APLP1: variants seen among roughly 807,000 people sequenced by gnomAD.
The protein encoded by APLP1 is amyloid beta precursor like protein 1, also known as amyloid beta (A4) precursor-like protein 1.
A neutral mutation model predicts 84.5 loss-of-function variants in APLP1; 46 were observed. The observed-to-expected ratio is 0.54, with a 90% confidence interval of 0.43 to 0.70. APLP1 has a LOEUF of 0.70. Among genes scored for constraint, APLP1 ranks in the 30% least tolerant of loss-of-function variants. The probability of loss-of-function intolerance (pLI) is 0.00; values close to 1 mark genes in which losing one functional copy is unlikely to be tolerated. For missense variants in APLP1, 826 were observed against 900.2 expected (o/e 0.92, Z 1.05); for synonymous variants, 376 against 364.0 (o/e 1.03, Z -0.38).
rs984660613 is a variant in APLP1 at position 35,874,859 on chromosome 19, T to C, written c.1334T>C (p.Met445Thr). The change falls in exon 10 of 17, where the codon ATG becomes ACG. Residue 445 changes from methionine (M) to threonine (T), a missense_variant. Around this residue, in one of 3 missense-constraint regions of APLP1, gnomAD observed 433 missense variants for 496.5 expected, o/e 0.87. Coordinates refer to ENST00000221891, the MANE Select transcript of APLP1 (RefSeq NM_001024807.3). The surrounding 1 kb of genome is among the most constrained non-coding windows in gnomAD (Gnocchi z 6.4). ...AAVDPEKAQQ[M>T]RFQVHTHLQV... ...GTGGATCCCGAGAAGGCACAGCAGA[T>C]GCGCTTCCAGGTGCTCACATCCTTC... The C allele has an allele frequency of 1.2e-6, 2 of 1,608,672 alleles. No individual in the cohort carries two copies. The highest frequency in any genetic ancestry group is 2.7e-5 in the African/African-American group (2 of 74,900).
rs1974129991 is a variant in APLP1, at chr19:35,870,982, C to T, written c.378C>T (p.Gly126=). ...GCTGGTGCGGGGGTTCCCGGAGCGGCAGCTGCGCCCACCCCCACCACCAGG... is the reference window on the plus strand; with the variant it reads ...GCTGGTGCGGGGGTTCCCGGAGCGGTAGCTGCGCCCACCCCCACCACCAGG... ...MERWCGGSRS[G]SCAHPHHQVV... is the part of the protein sequence containing the mutation. Residue 126 remains glycine (G), a synonymous_variant, in exon 3 of 17, where the codon GGC becomes GGT. Transcript: ENST00000221891. 6.4e-7 allele frequency: 1 copy of T among 1,562,938 alleles called. No individual in the cohort carries two copies. Among genetic ancestry groups the T allele is most frequent in the Non-Finnish European group, 8.7e-7 (1 of 1,155,804 alleles).
intron 7 of APLP1, among the ~76,000 whole-genome samples, chr19:35,873,040 A>G (rs896530533): frequency 5.3e-5 from 8 of 151,504 alleles, no homozygotes; most frequent in African/African-American, 1.7e-4. Context: ...TTGTATTTTT[A>G]GTAGAGACAG....
At chr19:35,871,179 G>C in intron 3 of APLP1, 58 bp from the exon 4 acceptor site, 21 of 1,570,194 alleles carry the variant, frequency 1.3e-5, no homozygotes, top group Non-Finnish European at 1.8e-5. Flanking sequence ...TGGATTCTGA[G>C]GAGGGTGGGG....
At chr19:35,877,697 C>T (rs374894849) in intron 11 of APLP1, 21 bp from the exon 12 acceptor site, 3 of 1,590,678 alleles carry the variant, frequency 1.9e-6, no homozygotes, top group Non-Finnish European at 2.6e-6. Context: ...CCTCAGCCAC[C>T]TTTCTGCATG....
intron 2 of APLP1, chr19:35,870,067 T>C (rs1472752119): frequency 2.1e-6 from 1 of 485,190 alleles, no homozygotes; most frequent in Non-Finnish European, 3.5e-6. Context: ...TAGGGGGGAG[T>C]GGCGAAAGGA....
intron 10 of APLP1, among the ~76,000 whole-genome samples, chr19:35,875,388 T>C (rs1411297296): frequency 6.7e-6 from 1 of 150,364 alleles, no homozygotes; most frequent in Admixed American, 6.6e-5. Flanking sequence ...TGCAGTGACA[T>C]GATCTGGGCT....
chr19:35,878,883 C>A lies in APLP1; in HGVS notation c.1651-7C>A. 1 of 1,613,996 alleles carries A rather than the reference C, an allele frequency of 6.2e-7. No homozygotes were observed. Among genetic ancestry groups the A allele is most frequent in the Non-Finnish European group, 8.5e-7 (1 of 1,179,962 alleles). Reference sequence around the variant, plus strand: ...TTCTGGGTTCCTGACACCTCCTGCTCCCCCAGGTGAATGCGTCTGTTCCAA... The same window carrying A: ...TTCTGGGTTCCTGACACCTCCTGCTACCCCAGGTGAATGCGTCTGTTCCAA... On this transcript the variant is annotated splice_region_variant and splice_polypyrimidine_tract_variant and intron_variant, in intron 14 of 16. Coordinates refer to ENST00000221891, the MANE Select transcript of APLP1 (RefSeq NM_001024807.3).
At chr19:35,876,367 G>T in intron 10 of APLP1, 150 bp from the exon 11 acceptor site, 1 of 641,954 alleles carries the variant, frequency 1.6e-6, no homozygotes, top group South Asian at 1.8e-5. Context: ...TTCTCCTATG[G>T]CCCAGTTCCT....
At chr19:35,872,090 T>TG in intron 6 of APLP1, 54 bp downstream of exon 6, 1 of 1,566,440 alleles carries the variant, frequency 6.4e-7, no homozygotes, top group Non-Finnish European at 8.7e-7. Context: ...GAGAAAGATC[T>TG]GGGGGAGTCT....
chr19:35,876,882 A>G (rs1974293350), intron 11 of APLP1, among the ~76,000 whole-genome samples: 2 of 152,024 alleles, frequency 1.3e-5, no homozygotes, highest in Admixed American at 6.6e-5. Context: ...GTCTAGCACA[A>G]ATGGACCTTT....
In APLP1 at chr19:35,878,208, G is replaced by A. The variant is rs7253616; in HGVS notation, c.1579+100G>A. 0.014 allele frequency: 18,171 copies of A among 1,338,154 alleles called. 1,412 individuals carry two copies. The African/African-American group carries it at 0.19, about 14-fold the overall frequency. The allele number at this position is 1,338,154 out of a possible 1,614,324, so 82.9% of individuals were successfully genotyped here. ...CATTGGGAACCTCAGACCCCCTGGG[G>A]TAGAGTTTGATGTACTTTCCAGCCC... On this transcript the variant is annotated intron_variant, in intron 13 of 16. Coordinates refer to ENST00000221891, the MANE Select transcript of APLP1 (RefSeq NM_001024807.3).
chr19:35,872,580 C>T lies in APLP1; in HGVS notation c.948C>T (p.Asp316=), dbSNP rs150106545. The T allele has an allele frequency of 1.4e-4, 223 of 1,613,784 alleles. 1 individual carries two copies. In the African/African-American group the frequency reaches 2.8e-3, roughly 20 times the overall value. The change falls in exon 7 of 17, where the codon GAC becomes GAT. Residue 316 remains aspartate, a synonymous_variant. Transcript: ENST00000221891. ...AGGGGTTCCTGAGGGCCAAGATGGA[C>T]CTGGAGGAGCGTAGGATGCGCCAGA... The part of the protein sequence containing the change: ...EHEGFLRAKM[D]LEERRMRQIN...
intron 11 of APLP1, among the ~76,000 whole-genome samples, chr19:35,876,887 A>G (rs1040828863): frequency 1.3e-5 from 2 of 151,954 alleles, no homozygotes; most frequent in Non-Finnish European, 2.9e-5. Flanking sequence ...GCACAAATGG[A>G]CCTTTCTCTC....
In APLP1 at chr19:35,874,499, C is replaced by T. The variant is rs754404818; in HGVS notation, c.1057-5C>T. 5 of 1,614,008 alleles carry T rather than the reference C, an allele frequency of 3.1e-6. No homozygotes were observed. In the Admixed American group the frequency reaches 8.3e-5, roughly 27 times the overall value. On this transcript the variant is annotated splice_polypyrimidine_tract_variant and splice_region_variant and intron_variant, in intron 8 of 16. Transcript: ENST00000221891. This position sits in a 1 kb window ranked among gnomAD's most constrained non-coding sequence, Gnocchi z 6.4. ...CTCCTGACCCTGTGCCCACCCGCTC[C>T]CCAGCACTTCCAGTCCATTCTGCAG...
chr19:35,877,912 T>C (rs762474247), intron 12 of APLP1, 87 bp downstream of exon 12: 425 of 1,340,064 alleles, frequency 3.2e-4, no homozygotes, highest in Non-Finnish European at 4.2e-4. Context: ...GAGGGTGTCT[T>C]CACCACCACA....
chr19:35,871,523 C>A, intron 4 of APLP1, 89 bp from the exon 5 acceptor site: 3 of 1,528,320 alleles, frequency 2.0e-6, no homozygotes, highest in Non-Finnish European at 2.7e-6. Context: ...AGGCTCCCAG[C>A]CTCATCAACC....
chr19:35,871,380 C>T (rs751237601), intron 4 of APLP1, 31 bp downstream of exon 4: 18 of 1,568,628 alleles, frequency 1.1e-5, no homozygotes, highest in Non-Finnish European at 1.5e-5. Context: ...GTCCCCAGCC[C>T]CCACAACCCA....
At position 35,873,111 on chromosome 19, in the gene APLP1, C is replaced by T. The variant is rs565205754; in HGVS notation, c.981+498C>T. Among the ~76,000 whole-genome samples, 13 of 152,078 alleles carry T rather than the reference C, an allele frequency of 8.5e-5. No individual in the cohort carries two copies. In the East Asian group the frequency reaches 1.6e-3, roughly 18 times the overall value. On this transcript the variant is annotated intron_variant, in intron 7 of 16. Coordinates refer to ENST00000221891, the MANE Select transcript of APLP1 (RefSeq NM_001024807.3). ...CCGGCGGGAGGAGATCCACCCGCCTCGGCCTCCCAAAGTGCTGGGATTACA... is the reference window on the plus strand; with the variant it reads ...CCGGCGGGAGGAGATCCACCCGCCTTGGCCTCCCAAAGTGCTGGGATTACA...
At chr19:35,873,854 T>A (rs1314485168) in intron 8 of APLP1, 141 bp downstream of exon 8, 15 of 751,120 alleles carry the variant, frequency 2.0e-5, no homozygotes, top group Non-Finnish European at 2.9e-5. Flanking sequence ...CATGCCTACA[T>A]GCAGCTCTGC....
Sources: allele counts gnomAD v4.1 joint callset (sites outside exome capture counted in the v4.1 genomes callset), GRCh38; gene constraint gnomAD v4.1.1; regional missense constraint gnomAD v4.1.1; non-coding constraint Gnocchi (gnomAD v3.1); transcripts MANE v1.5; gene names NCBI Gene and HGNC (gene_info 2026-07-23, HGNC 2026-07-21).